The following SLC24A2 variants were observed in gnomAD, a reference collection of about 807,000 sequenced individuals.
SLC24A2 encodes solute carrier family 24 member 2, also known as sodium/potassium/calcium exchanger 2.
A neutral mutation model predicts 62.0 loss-of-function variants in SLC24A2; 36 were observed. The ratio of observed to expected loss-of-function variants is 0.58; its 90% CI spans 0.44 to 0.77. The LOEUF is 0.77. Among genes scored for constraint, SLC24A2 ranks in the 30% least tolerant of loss-of-function variants. The pLI is 0.00. For missense variants in SLC24A2, 846 were observed against 817.9 expected (o/e 1.03, Z -0.42); for synonymous variants, 358 against 294.0 (o/e 1.22, Z -2.23).
At chr9:19,544,777 G>A (rs548085921) in intron 8 of SLC24A2, among the ~76,000 whole-genome samples, 52 of 152,336 alleles carry the variant, frequency 3.4e-4, no homozygotes, top group African/African-American at 1.1e-3. Flanking sequence ...AGCTTGTAAG[G>A]TTCCTGCAGA....
chr9:20,081,548 G>A, the SLC24A2 span, among the ~76,000 whole-genome samples: 1 of 151,748 alleles, frequency 6.6e-6, no homozygotes, highest in Non-Finnish European at 1.5e-5. Context: ...GTTAATGGGT[G>A]CAGCACACCA....
At chr9:20,298,331 C>A in the SLC24A2 span, among the ~76,000 whole-genome samples, 1 of 152,212 alleles carries the variant, frequency 6.6e-6, no homozygotes, top group Non-Finnish European at 1.5e-5. Flanking sequence ...CAGGTTCAAG[C>A]GATTCTCCTG....
At chr9:19,716,570 C>G (rs1006736940) in intron 2 of SLC24A2, among the ~76,000 whole-genome samples, 1 of 152,178 alleles carries the variant, frequency 6.6e-6, no homozygotes, top group Admixed American at 6.5e-5. Context: ...CTGAACAACA[C>G]GGTGGTGTTC....
chr9:19,576,221 A>G (rs1836004871), intron 6 of SLC24A2, among the ~76,000 whole-genome samples: 1 of 152,210 alleles, frequency 6.6e-6, no homozygotes. Flanking sequence ...CTTCGTTTAT[A>G]GCATAGATCC....
intron 2 of SLC24A2, among the ~76,000 whole-genome samples, chr9:19,709,373 A>C (rs919455523): frequency 6.6e-6 from 1 of 152,224 alleles, no homozygotes; most frequent in African/African-American, 2.4e-5. Flanking sequence ...TAGAACAAGA[A>C]ATACCATTTG....
At chr9:19,798,931 T>A in the SLC24A2 span, among the ~76,000 whole-genome samples, 1 of 152,312 alleles carries the variant, frequency 6.6e-6, no homozygotes, top group East Asian at 1.9e-4. Context: ...TCGGGAATAA[T>A]TACAATTATG....
At chr9:20,279,459 A>T in the SLC24A2 span, among the ~76,000 whole-genome samples, 1 of 152,236 alleles carries the variant, frequency 6.6e-6, no homozygotes, top group African/African-American at 2.4e-5. Context: ...TCAGCCCAGG[A>T]GGCGGAGGAT....
rs1835807111 is a variant in SLC24A2 at position 19,570,512 on chromosome 9, ATTAT to A, written c.1347+2835_1347+2838del. ...ATTTACCTAACACAAACGTTCACTC[ATTAT>A]TTATACCCTGAATACTCCCCAAATA... On this transcript the variant is annotated intron_variant, in intron 7 of 10. Coordinates refer to ENST00000341998, the MANE Select transcript of SLC24A2 (RefSeq NM_020344.4). Among the ~76,000 whole-genome samples the A allele has an allele frequency of 3.9e-5, 6 of 152,294 alleles. 1 individual carries two copies. The highest frequency in any genetic ancestry group is 1.4e-4 in the African/African-American group (6 of 41,562).
the SLC24A2 span, among the ~76,000 whole-genome samples, chr9:20,127,946 G>A: frequency 5.3e-5 from 8 of 151,926 alleles, no homozygotes; most frequent in Non-Finnish European, 1.2e-4. Context: ...TTTTTTTAAG[G>A]GAAAGTGGGT....
At chr9:19,683,070 G>A (rs1402940571) in intron 2 of SLC24A2, among the ~76,000 whole-genome samples, 1 of 152,092 alleles carries the variant, frequency 6.6e-6, no homozygotes, top group African/African-American at 2.4e-5. Flanking sequence ...GCATAATGCT[G>A]ATGCAAAATT....
chr9:20,202,549 G>C, the SLC24A2 span, among the ~76,000 whole-genome samples: 1 of 152,128 alleles, frequency 6.6e-6, no homozygotes, highest in African/African-American at 2.4e-5. Flanking sequence ...GGGTTTCAGG[G>C]AGTGGAGAGA....
chr9:19,584,273 T>TAAAAAAAAAAAAAAAAAAAAAAAA (rs5896848), intron 5 of SLC24A2, among the ~76,000 whole-genome samples: 4 of 119,944 alleles, frequency 3.3e-5, no homozygotes, highest in African/African-American at 6.3e-5. Context: ...TAGCAAATAG[T>TAAAAAAAAAAAAAAAAAAAAAAAA]AAAAAAAAAA....
chr9:20,032,055 C>T, the SLC24A2 span, among the ~76,000 whole-genome samples: 3 of 152,138 alleles, frequency 2.0e-5, no homozygotes, highest in East Asian at 1.9e-4. Flanking sequence ...TCTGACTATG[C>T]GTCTAGTCTG....
the SLC24A2 span, among the ~76,000 whole-genome samples, chr9:20,132,977 T>C: frequency 6.6e-6 from 1 of 152,130 alleles, no homozygotes; most frequent in African/African-American, 2.4e-5. Flanking sequence ...TCAATGTGGC[T>C]AGGCTGCAGT....
chr9:19,571,167 G>A (rs1250712681), intron 7 of SLC24A2, among the ~76,000 whole-genome samples: 1 of 152,112 alleles, frequency 6.6e-6, no homozygotes, highest in Non-Finnish European at 1.5e-5. Context: ...CCTGCCTCCT[G>A]CTGCCACACG....
the SLC24A2 span, among the ~76,000 whole-genome samples, chr9:20,278,765 C>A: frequency 1.6e-4 from 25 of 152,176 alleles, no homozygotes; most frequent in African/African-American, 5.8e-4. Context: ...ACTGCTCCAA[C>A]CTTTACCTGC....
the SLC24A2 span, among the ~76,000 whole-genome samples, chr9:20,152,953 T>G: frequency 6.6e-6 from 1 of 151,736 alleles, no homozygotes; most frequent in African/African-American, 2.4e-5. Flanking sequence ...CCATTTGGAG[T>G]AATTTGTACG....
the SLC24A2 span, among the ~76,000 whole-genome samples, chr9:19,794,809 G>A: frequency 6.6e-6 from 1 of 152,066 alleles, no homozygotes; most frequent in African/African-American, 2.4e-5. Flanking sequence ...GCATGCTGGA[G>A]AAGAGGGTAC....
the SLC24A2 span, among the ~76,000 whole-genome samples, chr9:20,118,452 T>C: frequency 4.1e-5 from 6 of 147,868 alleles, no homozygotes; most frequent in African/African-American, 1.6e-4. Flanking sequence ...CAGGGGCCCC[T>C]GACTGATGCT....
Sources: gnomAD v4.1 joint callset for allele counts (sites outside exome capture counted in the v4.1 genomes callset) on GRCh38, gnomAD v4.1.1 for gene constraint, MANE v1.5 for transcripts, NCBI Gene and HGNC (gene_info 2026-07-23, HGNC 2026-07-21) for gene names.